Variants in MON1A observed in about 807,000 individuals in gnomAD.
The protein encoded by MON1A is MON1 vesicular trafficking associated A.
In MON1A, 29 loss-of-function variants were observed where a neutral mutation model predicts 44.6. The observed-to-expected ratio is 0.65, with a 90% CI of 0.48 to 0.89. MON1A has a LOEUF of 0.89. MON1A is among the 40% of genes least tolerant of loss of function. MON1A has a pLI of 0.00. For synonymous variants in MON1A, 275 were observed against 316.4 expected (o/e 0.87, Z 1.39); for missense variants, 615 against 759.6 (o/e 0.81, Z 2.24).
In MON1A at chr3:49,911,923, G is replaced by A. The variant is rs532970681; in HGVS notation, c.216C>T (p.Ser72=). Residue 72 remains serine, a synonymous_variant, in exon 3 of 6, where the codon AGC becomes AGT. Transcript: ENST00000296473. The surrounding 1 kb of genome is among the most constrained non-coding windows in gnomAD (Gnocchi z 5.7). The part of the protein sequence containing the change: ...ESEDGAASGD[S]HKEGTRGPPP... ...GGGGACCCCTGGTACCCTCCTTGTGGCTGTCCCCAGAAGCTGCCCCATCCT... is the reference window on the plus strand; with the variant it reads ...GGGGACCCCTGGTACCCTCCTTGTGACTGTCCCCAGAAGCTGCCCCATCCT... The A allele has an allele frequency of 3.8e-5, 61 of 1,613,614 alleles. No individual in the cohort carries two copies. The highest frequency in any genetic ancestry group is 5.0e-5 in the Non-Finnish European group (59 of 1,179,930).
intron 2 of MON1A, chr3:49,912,990 C>A (rs749629050): frequency 1.2e-5 from 8 of 666,834 alleles, no homozygotes; most frequent in South Asian, 1.1e-4. Context: ...ACAGAAGAGC[C>A]CACAATGGCA....
At chr3:49,922,732 TC>T (rs1270545266) in intron 1 of MON1A, among the ~76,000 whole-genome samples, 1 of 150,360 alleles carries the variant, frequency 6.7e-6, no homozygotes, top group African/African-American at 2.5e-5. Context: ...ACAGTCTTGC[TC>T]TGTTGCCCAG....
In MON1A at chr3:49,908,959, C is replaced by A. The variant is rs1405294046; in HGVS notation, c.*55G>T. The A allele has an allele frequency of 4.5e-6, 7 of 1,555,058 alleles. No individual in the cohort carries two copies. Among genetic ancestry groups the A allele is most frequent in the Non-Finnish European group, 6.1e-6 (7 of 1,147,688 alleles). ...GAGGCCAGCCCCCATCTGGAGGCTC[C>A]TATGGCTTCCCACACCTAGTGTGTC... is the stretch of plus-strand genomic sequence containing the variant. On this transcript the variant is annotated 3_prime_UTR_variant, in exon 6 of 6. Coordinates refer to ENST00000296473, the MANE Select transcript of MON1A (RefSeq NM_032355.4).
chr3:49,910,887 G>T lies in MON1A; in HGVS notation c.614-3C>A. The stretch of plus-strand genomic sequence containing the variant: ...CACGAATACTACCTTGTAGCCATCT[G>T]AGAGCGGGACAGGAAAGAAGGATGT... On this transcript the variant is annotated splice_region_variant and splice_polypyrimidine_tract_variant and intron_variant, in intron 3 of 5. Coordinates refer to ENST00000296473, the MANE Select transcript of MON1A (RefSeq NM_032355.4). The surrounding 1 kb of genome is among the most constrained non-coding windows in gnomAD (Gnocchi z 8.0). 6.3e-7 allele frequency: 1 copy of T among 1,592,704 alleles called. No homozygotes were observed. The highest frequency in any genetic ancestry group is 1.1e-5 in the South Asian group (1 of 90,020).
chr3:49,916,852 G>A (rs2082949085), intron 1 of MON1A: 2 of 152,468 alleles, frequency 1.3e-5, no homozygotes, highest in Admixed American at 1.3e-4. Flanking sequence ...ACAAGGCCCA[G>A]GATGCTGAAT....
chr3:49,910,073 C>T lies in MON1A; in HGVS notation c.1379+46G>A, dbSNP rs1250227485. 2.6e-6 allele frequency: 4 copies of T among 1,528,016 alleles called. No homozygotes were observed. In the East Asian group the frequency reaches 6.8e-5, roughly 26 times the overall value. The allele number at this position is 1,528,016 out of a possible 1,614,324, so 94.7% of individuals were successfully genotyped here. A position where few individuals can be genotyped will look rare whatever the true frequency, so the allele number is the denominator to read the frequency against. On this transcript the variant is annotated intron_variant, in intron 4 of 5. Coordinates refer to ENST00000296473, the MANE Select transcript of MON1A (RefSeq NM_032355.4). This position sits in a 1 kb window ranked among gnomAD's most constrained non-coding sequence, Gnocchi z 8.0. ...AGGACCAAACAGCCTCCCGACTCCA[C>T]ATGTCCCTGTCCCGCTACAGCAGTG... is the stretch of plus-strand genomic sequence containing the variant.
Position 49,911,723 on chromosome 3 carries a change from G to A in MON1A, c.416C>T (p.Thr139Ile). Residue 139 changes from threonine (T) to isoleucine (I), a missense_variant, in exon 3 of 6, where the codon ACA becomes ATA. Coordinates refer to ENST00000296473, the MANE Select transcript of MON1A (RefSeq NM_032355.4). The surrounding 1 kb of genome is among the most constrained non-coding windows in gnomAD (Gnocchi z 5.7). ...RPATEPPREG[T>I]TEGDEEDATE... ...GGCATCCTCCTCATCCCCCTCGGTTGTGCCCTCCCTGGGGGGCTCTGTGGC... is the reference window on the plus strand; with the variant it reads ...GGCATCCTCCTCATCCCCCTCGGTTATGCCCTCCCTGGGGGGCTCTGTGGC... The A allele has an allele frequency of 1.2e-6, 2 of 1,613,908 alleles. No homozygotes were observed. The highest frequency in any genetic ancestry group is 1.7e-6 in the Non-Finnish European group (2 of 1,179,934).
chr3:49,913,655 CTAGTATTTT>C (rs1414874502), intron 1 of MON1A, among the ~76,000 whole-genome samples: 1 of 138,414 alleles, frequency 7.2e-6, no homozygotes, highest in Non-Finnish European at 1.6e-5. Context: ...GTATTTCCTT[CTAGTATTTT>C]TTTTTTTTTT....
In MON1A at chr3:49,927,900, C is replaced by CA. The variant is rs34870319; in HGVS notation, c.-14+1708dup. On this transcript the variant is annotated intron_variant, in intron 1 of 5. Coordinates refer to ENST00000296473, the MANE Select transcript of MON1A (RefSeq NM_032355.4). The stretch of plus-strand genomic sequence containing the variant: ...TGGGCAAAAGATTGAAACTCTGTCT[C>CA]AAAAAAAAAAACAACAAAAAAAAAC... Among the ~76,000 whole-genome samples, 475 of 133,338 alleles carry CA rather than the reference C, an allele frequency of 3.6e-3. 5 individuals carry two copies. Among genetic ancestry groups the CA allele is most frequent in the African/African-American group, 7.9e-3 (286 of 36,216 alleles). The allele number at this position is 133,338 out of a possible 152,430, so 87.5% of individuals were successfully genotyped here. A position where few individuals can be genotyped will look rare whatever the true frequency, so the allele number is the denominator to read the frequency against.
At chr3:49,915,060 G>A (rs753689307) in intron 1 of MON1A, among the ~76,000 whole-genome samples, 1 of 152,186 alleles carries the variant, frequency 6.6e-6, no homozygotes, top group Non-Finnish European at 1.5e-5. Flanking sequence ...CAGTGTCAGC[G>A]TATCATGCTA....
Position 49,911,664 on chromosome 3 carries a change from A to C in MON1A, c.475T>G (p.Phe159Val). The C allele has an allele frequency of 1.2e-6, 2 of 1,614,162 alleles. No homozygotes were observed. The highest frequency in any genetic ancestry group is 1.7e-6 in the Non-Finnish European group (2 of 1,179,998). ...EAWRLHQKHV[F>V]VLSEAGKPVY... is the part of the protein sequence containing the mutation. ...GGCTTCCCTGCCTCACTCAGCACAA[A>C]GACATGCTTCTGGTGCAGGCGCCAT... is the stretch of plus-strand genomic sequence containing the variant. Residue 159 changes from phenylalanine (F) to valine (V), a missense_variant, in exon 3 of 6, where the codon TTT becomes GTT. Transcript: ENST00000296473. This position sits in a 1 kb window ranked among gnomAD's most constrained non-coding sequence, Gnocchi z 5.7.
chr3:49,925,131 T>C (rs1004519124), intron 1 of MON1A, among the ~76,000 whole-genome samples: 2 of 152,244 alleles, frequency 1.3e-5, no homozygotes, highest in African/African-American at 4.8e-5. Context: ...TATTTATCTA[T>C]TGAGACAGGG....
chr3:49,910,823 C>T lies in MON1A; in HGVS notation c.675G>A (p.Thr225=). 6.2e-7 allele frequency: 1 copy of T among 1,610,920 alleles called. No homozygotes were observed. Among genetic ancestry groups the T allele is most frequent in the Non-Finnish European group, 8.5e-7 (1 of 1,178,240 alleles). Reference sequence around the variant, plus strand: ...GCGCCAGCTCTTGTGCCGACTGCCGCGTACGAGCCACCGCCACTAGCACCA... The same window carrying T: ...GCGCCAGCTCTTGTGCCGACTGCCGTGTACGAGCCACCGCCACTAGCACCA... ...SPLVLVAVAR[T]RQSAQELAQE... The change falls in exon 4 of 6, where the codon ACG becomes ACA. Residue 225 remains threonine, a synonymous_variant. Coordinates refer to ENST00000296473, the MANE Select transcript of MON1A (RefSeq NM_032355.4). The surrounding 1 kb of genome is among the most constrained non-coding windows in gnomAD (Gnocchi z 8.0).
chr3:49,910,803 A>C lies in MON1A; in HGVS notation c.695T>G (p.Leu232Arg), dbSNP rs781342901. The change falls in exon 4 of 6, where the codon CTG (leucine) becomes CGG (arginine). Residue 232 changes from leucine (L) to arginine (R), a missense_variant. By Grantham distance (102) the Leu-to-Arg change is moderately radical. Transcript: ENST00000296473. This position sits in a 1 kb window ranked among gnomAD's most constrained non-coding sequence, Gnocchi z 8.0. ...VARTRQSAQE[L>R]AQELLYIYYQ... Reference sequence around the variant, plus strand: ...GTAGATGTAGAGCAGCTCCTGCGCCAGCTCTTGTGCCGACTGCCGCGTACG... The same window carrying C: ...GTAGATGTAGAGCAGCTCCTGCGCCCGCTCTTGTGCCGACTGCCGCGTACG... 1.9e-6 allele frequency: 3 copies of C among 1,613,798 alleles called. No individual in the cohort carries two copies. Among genetic ancestry groups the C allele is most frequent in the Non-Finnish European group, 2.5e-6 (3 of 1,180,008 alleles).
chr3:49,923,008 C>T (rs1430499784), intron 1 of MON1A, among the ~76,000 whole-genome samples: 1 of 151,566 alleles, frequency 6.6e-6, no homozygotes, highest in African/African-American at 2.4e-5. Flanking sequence ...CACACCTGGC[C>T]AAGAAAGACA....
chr3:49,909,166 G>A lies in MON1A; in HGVS notation c.1528-12C>T. On this transcript the variant is annotated splice_polypyrimidine_tract_variant and intron_variant, in intron 5 of 5. Coordinates refer to ENST00000296473, the MANE Select transcript of MON1A (RefSeq NM_032355.4). The surrounding 1 kb of genome is among the most constrained non-coding windows in gnomAD (Gnocchi z 4.0). ...AAGGCGCCTGTCACCTGGAGAAGGG[G>A]CAAAGGGTCGTCATCTAGGTTAGAG... The A allele has an allele frequency of 1.2e-6, 2 of 1,609,920 alleles. No homozygotes were observed. Among genetic ancestry groups the A allele is most frequent in the Non-Finnish European group, 8.5e-7 (1 of 1,177,046 alleles).
rs2082879725 is a variant in MON1A at position 49,911,227 on chromosome 3, T to TAGATAGAC, written c.613+298_613+299insGTCTATCT. Among the ~76,000 whole-genome samples, 1 of 149,024 alleles carries TAGATAGAC rather than the reference T, an allele frequency of 6.7e-6. No individual in the cohort carries two copies. Among genetic ancestry groups the TAGATAGAC allele is most frequent in the Admixed American group, 6.7e-5 (1 of 14,882 alleles). ...ATAGATAGATAGATAGATAGATAGA[T>TAGATAGAC]AGATAGATAGATAGATAGAGTTTGT... is the stretch of plus-strand genomic sequence containing the variant. On this transcript the variant is annotated intron_variant, in intron 3 of 5. Coordinates refer to ENST00000296473, the MANE Select transcript of MON1A (RefSeq NM_032355.4). The surrounding 1 kb of genome is among the most constrained non-coding windows in gnomAD (Gnocchi z 5.7).
At chr3:49,923,876 A>G (rs1398988837) in intron 1 of MON1A, 1 of 151,456 alleles carries the variant, frequency 6.6e-6, no homozygotes, top group Non-Finnish European at 1.5e-5. Flanking sequence ...AGGTCAGGAG[A>G]TCGAGACCTT....
intron 1 of MON1A, among the ~76,000 whole-genome samples, chr3:49,913,660 A>AT (rs1165487319): frequency 0.021 from 2,416 of 113,664 alleles, 75 homozygotes; most frequent in Non-Finnish European, 0.03. Context: ...TCCTTCTAGT[A>AT]TTTTTTTTTT....
Sources: gnomAD v4.1 joint callset for allele counts (sites outside exome capture counted in the v4.1 genomes callset) on GRCh38, gnomAD v4.1.1 for gene constraint, Gnocchi (gnomAD v3.1) non-coding constraint, MANE v1.5 for transcripts, NCBI Gene and HGNC (gene_info 2026-07-23, HGNC 2026-07-21) for gene names.